Variants in QRICH1 observed in about 807,000 individuals in gnomAD.
QRICH1 encodes transcriptional regulator QRICH1.
A neutral mutation model predicts 87.1 loss-of-function variants in QRICH1; 16 were observed. That is an observed-to-expected ratio of 0.18 (90% CI 0.12 to 0.28). The LOEUF (loss-of-function observed/expected upper bound fraction) is 0.28. Ranked by LOEUF, QRICH1 falls within the 10% of genes least tolerant of loss-of-function variation. The pLI is 1.00. For missense variants in QRICH1, 647 were observed against 951.7 expected, an observed-to-expected ratio of 0.68 and a Z score of 4.21; for synonymous variants, 367 against 368.4, an observed-to-expected ratio of 1.00 and a Z score of 0.05.
Position 49,032,286 on chromosome 3 carries a change from C to T in QRICH1, c.2048-13G>A. 1 of 1,595,700 alleles carries T rather than the reference C, an allele frequency of 6.3e-7. No homozygotes were observed. Among genetic ancestry groups the T allele is most frequent in the Non-Finnish European group, 8.6e-7 (1 of 1,163,344 alleles). On this transcript the variant is annotated splice_polypyrimidine_tract_variant and intron_variant, in intron 8 of 9. Coordinates refer to ENST00000395443, the MANE Select transcript of QRICH1 (RefSeq NM_198880.3). ...ATGTCATCTGTAACTATAAAACACACATCCCCACCACCACAGACCTGGCAT... is the reference window on the plus strand; with the variant it reads ...ATGTCATCTGTAACTATAAAACACATATCCCCACCACCACAGACCTGGCAT...
chr3:49,047,079 T>C lies in QRICH1; in HGVS notation c.1506A>G (p.Ala502=). 6.2e-7 allele frequency: 1 copy of C among 1,613,280 alleles called. No homozygotes were observed. The highest frequency in any genetic ancestry group is 8.5e-7 in the Non-Finnish European group (1 of 1,179,400). ...TTCCAAGACACTCACTCCCAATGGG[T>C]GCCAATCTGTTCTGAGCATCCTTCT... ...ELEKDAQNRL[A]PIGRRQLLRF... The change falls in exon 4 of 10, where the codon GCA becomes GCG. Residue 502 remains alanine, a synonymous_variant. Coordinates refer to ENST00000395443, the MANE Select transcript of QRICH1 (RefSeq NM_198880.3).
chr3:49,090,141 C>T (rs1436046606), intron 1 of QRICH1, among the ~76,000 whole-genome samples: 3 of 151,838 alleles, frequency 2.0e-5, no homozygotes, highest in Non-Finnish European at 4.4e-5. Flanking sequence ...AGTGAAACTC[C>T]GTCTCTACTA....
At chr3:49,073,288 C>G (rs1157604219) in intron 2 of QRICH1, among the ~76,000 whole-genome samples, 1 of 152,178 alleles carries the variant, frequency 6.6e-6, no homozygotes, top group African/African-American at 2.4e-5. Context: ...CGGTGGATCA[C>G]ACCTGTACTT....
chr3:49,046,320 G>A, intron 5 of QRICH1, 105 bp downstream of exon 5: 4 of 1,212,086 alleles, frequency 3.3e-6, no homozygotes, highest in South Asian at 1.7e-5. Flanking sequence ...ACCTGAAAGA[G>A]AACTTCCTTA....
chr3:49,062,468 C>T (rs1201182353), intron 2 of QRICH1, among the ~76,000 whole-genome samples: 1 of 142,144 alleles, frequency 7.0e-6, no homozygotes, highest in African/African-American at 2.6e-5. Flanking sequence ...TCAAACAATT[C>T]TCCTGCCTCA....
In QRICH1 at chr3:49,046,433, T is replaced by C; in HGVS notation, c.1663A>G (p.Ile555Val). Residue 555 changes from isoleucine to valine, a missense_variant, in exon 5 of 10, where the codon ATT becomes GTT. Around this residue, in one of 7 missense-constraint regions of QRICH1, gnomAD observed 187 missense variants for 309.5 expected, o/e 0.60. Coordinates refer to ENST00000395443, the MANE Select transcript of QRICH1 (RefSeq NM_198880.3). The stretch of plus-strand genomic sequence containing the variant: ...GAAGATCTGTTTCCTACCTTTTGAA[T>C]ACACAGGAAAATATAGTAGAGCACA... Reference protein sequence around the residue: ...PDVLYYIFLCIQKYLFENGRV... With the variant: ...PDVLYYIFLCVQKYLFENGRV... 6.2e-7 allele frequency: 1 copy of C among 1,612,586 alleles called. No individual in the cohort carries two copies. The highest frequency in any genetic ancestry group is 8.5e-7 in the Non-Finnish European group (1 of 1,179,612).
intron 6 of QRICH1, among the ~76,000 whole-genome samples, chr3:49,043,734 G>A (rs1008576449): frequency 1.5e-4 from 23 of 152,136 alleles, no homozygotes; most frequent in African/African-American, 5.6e-4. Context: ...GGCTGAGGTA[G>A]GAGAATTGCC....
intron 7 of QRICH1, 118 bp from the exon 8 acceptor site, chr3:49,032,891 G>T: frequency 7.8e-7 from 1 of 1,283,902 alleles, no homozygotes; most frequent in Non-Finnish European, 1.1e-6. Context: ...ATCTGGGCAG[G>T]CCCGTACCCA....
chr3:49,090,949 G>A (rs1559960406), intron 1 of QRICH1, among the ~76,000 whole-genome samples: 1 of 152,246 alleles, frequency 6.6e-6, no homozygotes, highest in East Asian at 1.9e-4. Flanking sequence ...TAGGCCAGGC[G>A]CGGTGGCTCA....
intron 6 of QRICH1, among the ~76,000 whole-genome samples, chr3:49,035,760 C>A (rs2093271006): frequency 6.6e-6 from 1 of 152,036 alleles, no homozygotes; most frequent in African/African-American, 2.4e-5. Context: ...TGTACTCCAG[C>A]CTGGGAGACA....
At chr3:49,092,917 T>C (rs560933026) in intron 1 of QRICH1, among the ~76,000 whole-genome samples, 95 of 152,346 alleles carry the variant, frequency 6.2e-4, no homozygotes, top group Middle Eastern at 3.4e-3. Flanking sequence ...GGTGGGCCTT[T>C]AATATAATAA....
At position 49,076,883 on chromosome 3, in the gene QRICH1, G is replaced by C; in HGVS notation, c.135C>G (p.Phe45Leu). ...ASKGPEALQE[F>L]QQTATTTMVY... The stretch of plus-strand genomic sequence containing the variant: ...CCATGGTAGTGGTGGCTGTCTGCTG[G>C]AACTCCTGAAGGGCTTCTGGCCCCT... Residue 45 changes from phenylalanine (F) to leucine (L), a missense_variant, in exon 2 of 10, where the codon TTC becomes TTG. Transcript: ENST00000395443. 4.3e-6 allele frequency: 7 copies of C among 1,613,988 alleles called. No homozygotes were observed. The highest frequency in any genetic ancestry group is 5.9e-6 in the Non-Finnish European group (7 of 1,179,926).
At chr3:49,091,642 G>A (rs1298114035) in intron 1 of QRICH1, among the ~76,000 whole-genome samples, 2 of 152,164 alleles carry the variant, frequency 1.3e-5, no homozygotes, top group Non-Finnish European at 2.9e-5. Context: ...GAGAGGACCC[G>A]AAGGAAGACA....
intron 2 of QRICH1, among the ~76,000 whole-genome samples, chr3:49,072,512 T>G (rs1164508224): frequency 6.7e-6 from 1 of 150,296 alleles, no homozygotes; most frequent in Non-Finnish European, 1.5e-5. Context: ...GGTGACAGAA[T>G]GAGACCCTGT....
intron 2 of QRICH1, among the ~76,000 whole-genome samples, chr3:49,071,674 G>C (rs2041827957): frequency 6.6e-6 from 1 of 152,152 alleles, no homozygotes; most frequent in Admixed American, 6.6e-5. Flanking sequence ...AGAATAATTT[G>C]AGCCAGAAAA....
chr3:49,080,679 A>G (rs1452505185), intron 1 of QRICH1, among the ~76,000 whole-genome samples: 1 of 152,056 alleles, frequency 6.6e-6, no homozygotes, highest in Non-Finnish European at 1.5e-5. Context: ...GCCTCACCTC[A>G]ACTCTGATAT....
chr3:49,089,204 C>T (rs1285364636), intron 1 of QRICH1, among the ~76,000 whole-genome samples: 1 of 151,840 alleles, frequency 6.6e-6, no homozygotes, highest in Non-Finnish European at 1.5e-5. Flanking sequence ...GGATTACAGG[C>T]GCCCATCACC....
intron 6 of QRICH1, among the ~76,000 whole-genome samples, chr3:49,041,568 T>A (rs2093309919): frequency 6.6e-6 from 1 of 151,996 alleles, no homozygotes; most frequent in Non-Finnish European, 1.5e-5. Flanking sequence ...GCTCAACTGA[T>A]CTTCCCACCT....
At position 49,057,400 on chromosome 3, in the gene QRICH1, G is replaced by T. The variant is rs1324080900; in HGVS notation, c.800C>A (p.Thr267Asn). The change falls in exon 3 of 10, where the codon ACC becomes AAC. Residue 267 changes from threonine (T) to asparagine (N), a missense_variant. By Grantham distance (65) the Thr-to-Asn change is moderately conservative (BLOSUM62 0). Coordinates refer to ENST00000395443, the MANE Select transcript of QRICH1 (RefSeq NM_198880.3). The surrounding 1 kb of genome is among the most constrained non-coding windows in gnomAD (Gnocchi z 5.4). Reference protein sequence around the residue: ...SYAISGQPVATVLAIPQGQQQ... With the variant: ...SYAISGQPVANVLAIPQGQQQ... Reference sequence around the variant, plus strand: ...CTGGCCCTGTGGAATGGCCAGCACGGTGGCCACCGGCTGCCCTGAGATGGC... The same window carrying T: ...CTGGCCCTGTGGAATGGCCAGCACGTTGGCCACCGGCTGCCCTGAGATGGC... The T allele has an allele frequency of 6.2e-7, 1 of 1,614,052 alleles. No individual in the cohort carries two copies. The highest frequency in any genetic ancestry group is 8.5e-7 in the Non-Finnish European group (1 of 1,180,048).
Sources: gnomAD v4.1 joint callset for allele counts (sites outside exome capture counted in the v4.1 genomes callset) on GRCh38, gnomAD v4.1.1 for gene constraint, gnomAD v4.1.1 regional missense constraint, Gnocchi (gnomAD v3.1) non-coding constraint, MANE v1.5 for transcripts, NCBI Gene and HGNC (gene_info 2026-07-23, HGNC 2026-07-21) for gene names.